Variants in MUC5AC observed in about 807,000 individuals in gnomAD.
MUC5AC encodes mucin-5AC.
MUC5AC carries 158 observed loss-of-function variants against 169.7 expected under a neutral mutation model. The ratio of observed to expected loss-of-function variants is 0.93; its 90% CI spans 0.82 to 1.06. The LOEUF is 1.06. MUC5AC is among the 50% of genes least tolerant of loss of function. MUC5AC has a pLI of 0.00. For synonymous variants in MUC5AC, 1,975 were observed against 1,237.0 expected (o/e 1.60, Z -12.52); for missense variants, 4,359 against 3,089.9 (o/e 1.41, Z -9.74).
rs997985636 is a variant in MUC5AC, at chr11:1,193,804, G to T, written c.14755+145G>T. 5 of 625,324 alleles carry T rather than the reference G, an allele frequency of 8.0e-6. No individual in the cohort carries two copies. In the Admixed American group the frequency reaches 9.7e-5, roughly 12 times the overall value. 38.7% of individuals were successfully genotyped at this position (625,324 alleles called of 1,614,324 possible). ...AGGAAGGACTTCCCAGCATCAAGGC[G>T]GGGCCGCATGGGGCCGAGCCTCCCC... On this transcript the variant is annotated intron_variant, in intron 33 of 48. Transcript: ENST00000621226.
At chr11:1,170,978 C>CCCACTCACCTACTCA (rs1232249122) in intron 15 of MUC5AC, among the ~76,000 whole-genome samples, 7 of 27,394 alleles carry the variant, frequency 2.6e-4, no homozygotes, top group Admixed American at 3.7e-4. Flanking sequence ...CACCCATTCA[C>CCCACTCACCTACTCA]CCCACTCACC....
At chr11:1,200,049 T>C (rs1861384173) in intron 48 of MUC5AC, 80 bp downstream of exon 48, 1 of 648,794 alleles carries the variant, frequency 1.5e-6, no homozygotes, top group South Asian at 1.8e-5. Context: ...AGGTGCCAGA[T>C]AGACGAGGGG....
At position 1,187,769 on chromosome 11, in the gene MUC5AC, C is replaced by A. The variant is rs1554928345; in HGVS notation, c.9624C>A (p.Ser3208=). ...SVSKTSTSHV[S]ISKTTHSQPV... ...CAAAGACCAGCACAAGCCATGTTTC[C>A]ATATCCAAGACAACCCACTCCCAAC... The change falls in exon 31 of 49, where the codon TCC becomes TCA. Residue 3208 remains serine (S), a synonymous_variant. Transcript: ENST00000621226. 7.8e-6 allele frequency: 6 copies of A among 765,032 alleles called. No homozygotes were observed. Among genetic ancestry groups the A allele is most frequent in the Non-Finnish European group, 1.4e-5 (6 of 417,860 alleles). 47.4% of individuals were successfully genotyped at this position (765,032 alleles called of 1,614,324 possible).
chr11:1,195,014 A>G lies in MUC5AC; in HGVS notation c.15193A>G (p.Thr5065Ala). The G allele has an allele frequency of 1.4e-6, 1 of 738,304 alleles. No individual in the cohort carries two copies. Among genetic ancestry groups the G allele is most frequent in the Non-Finnish European group, 2.5e-6 (1 of 404,276 alleles). The allele number at this position is 738,304 out of a possible 1,614,324, so 45.7% of individuals were successfully genotyped here. A position where few individuals can be genotyped will look rare whatever the true frequency, so the allele number is the denominator to read the frequency against. The change falls in exon 36 of 49, where the codon ACT (threonine) becomes GCT (alanine). Residue 5065 changes from threonine to alanine, a missense_variant and splice_region_variant. Thr to Ala is a moderately conservative substitution (Grantham distance 58). Transcript: ENST00000621226. Reference protein sequence around the residue: ...FANNTEGQCGTCTNDRKDECR... With the variant: ...FANNTEGQCGACTNDRKDECR... ...TGACCCCCACCGCGTCTGCCCAGGC[A>G]CTTGCACCAACGACAGGAAGGATGA...
chr11:1,168,429 GC>G, intron 12 of MUC5AC, 53 bp from the exon 13 acceptor site: 1 of 1,558,786 alleles, frequency 6.4e-7, no homozygotes, highest in Non-Finnish European at 8.8e-7. Context: ...CCTCCGCGGG[GC>G]TGAGGTGCCG....
At chr11:1,165,462 G>A (rs544106045) in intron 10 of MUC5AC, 43 bp downstream of exon 10, 1 of 1,598,302 alleles carries the variant, frequency 6.3e-7, no homozygotes, top group Non-Finnish European at 8.5e-7. Flanking sequence ...ATGTGCTATG[G>A]GACAGACCTG....
rs1861069302 is a variant in MUC5AC, at chr11:1,190,721, C to A, written c.12576C>A (p.Ser4192Arg). 1.4e-6 allele frequency: 1 copy of A among 700,808 alleles called. No individual in the cohort carries two copies. The highest frequency in any genetic ancestry group is 1.7e-5 in the African/African-American group (1 of 57,226). 43.4% of individuals were successfully genotyped at this position (700,808 alleles called of 1,614,324 possible). A position where few individuals can be genotyped will look rare whatever the true frequency, so the allele number is the denominator to read the frequency against. ...TTSTISAPTT[S>R]TISSPTSSTT... The stretch of plus-strand genomic sequence containing the variant: ...GCACAATCTCTGCCCCTACAACCAG[C>A]ACAATCTCTTCCCCTACAAGCAGCA... The change falls in exon 31 of 49, where the codon AGC becomes AGA. Residue 4192 changes from serine (S) to arginine (R), a missense_variant. Transcript: ENST00000621226.
chr11:1,178,710 G>GGGCCCAAGGGGGTCATGGT, intron 25 of MUC5AC, 27 bp downstream of exon 25: 1 of 1,160,136 alleles, frequency 8.6e-7, no homozygotes, highest in Non-Finnish European at 1.1e-6. Flanking sequence ...GCGTTTCTCT[G>GGGCCCAAGGGGGTCATGGT]GGCCCAAGGG....
chr11:1,184,804 G>T lies in MUC5AC; in HGVS notation c.6659G>T (p.Cys2220Phe). Residue 2220 changes from cysteine (C) to phenylalanine (F), a missense_variant, in exon 31 of 49, where the codon TGC becomes TTC. Physicochemically the swap from Cys to Phe is radical, Grantham distance 205. Coordinates refer to ENST00000621226, the MANE Select transcript of MUC5AC (RefSeq NM_001304359.2). ...RVLCCETPKG[C>F]PVTSTPVTAP... ...CTCTGCTGCGAGACCCCCAAAGGCT[G>T]CCCCGTGACCTCCACACCTGTGACA... The T allele has an allele frequency of 1.5e-6, 1 of 651,550 alleles. No individual in the cohort carries two copies. Among genetic ancestry groups the T allele is most frequent in the South Asian group, 1.8e-5 (1 of 57,014 alleles). 40.4% of individuals were successfully genotyped at this position (651,550 alleles called of 1,614,324 possible).
At position 1,192,868 on chromosome 11, in the gene MUC5AC, T is replaced by G; in HGVS notation, c.14466T>G (p.Val4822=). ...CSQDCQVVRG[V]DSDCPSTTLP... ...AGGACTGCCAAGTGGTCAGAGGGGT[T>G]GACAGTGACTGTCCGTCCACCACGC... The change falls in exon 32 of 49, where the codon GTT becomes GTG. Residue 4822 remains valine, a synonymous_variant. Transcript: ENST00000621226. 1 of 764,884 alleles carries G rather than the reference T, an allele frequency of 1.3e-6. No homozygotes were observed. Among genetic ancestry groups the G allele is most frequent in the Non-Finnish European group, 2.4e-6 (1 of 417,780 alleles). 47.4% of individuals were successfully genotyped at this position (764,884 alleles called of 1,614,324 possible).
rs547544692 is a variant in MUC5AC at position 1,198,290 on chromosome 11, C to T, written c.16158C>T (p.Asn5386=). The change falls in exon 43 of 49, where the codon AAC becomes AAT. Residue 5386 remains asparagine, a synonymous_variant. Coordinates refer to ENST00000621226, the MANE Select transcript of MUC5AC (RefSeq NM_001304359.2). ...CAGGCTGGACAGTGTGCAGCATCAACGGGACCCTGTACCAGGTAAGAGCCA... is the reference window on the plus strand; with the variant it reads ...CAGGCTGGACAGTGTGCAGCATCAATGGGACCCTGTACCAGGTAAGAGCCA... ...QNCSWTVCSI[N]GTLYQPGAVV... 4.1e-5 allele frequency: 31 copies of T among 754,634 alleles called. No homozygotes were observed. The highest frequency in any genetic ancestry group is 3.4e-4 in the East Asian group (14 of 40,714). 46.7% of individuals were successfully genotyped at this position (754,634 alleles called of 1,614,324 possible). A position where few individuals can be genotyped will look rare whatever the true frequency, so the allele number is the denominator to read the frequency against.
At chr11:1,174,457 C>T in intron 16 of MUC5AC, 39 bp from the exon 17 acceptor site, 1 of 1,284,468 alleles carries the variant, frequency 7.8e-7, no homozygotes, top group Non-Finnish European at 1.1e-6. Context: ...CAGGTGTGGG[C>T]TGGGGTCTCT....
chr11:1,168,101 C>T (rs1284049927), intron 12 of MUC5AC, 114 bp downstream of exon 12: 6 of 873,832 alleles, frequency 6.9e-6, no homozygotes, highest in South Asian at 1.5e-5. Flanking sequence ...AGGCGGGGAC[C>T]CTCTGGCAAC....
At chr11:1,200,315 A>G (rs1290145597) in intron 48 of MUC5AC, 123 bp from the exon 49 acceptor site, 4 of 601,856 alleles carry the variant, frequency 6.6e-6, no homozygotes, top group African/African-American at 5.6e-5. Context: ...GTTGTCAGAC[A>G]CTGGCAGCAT....
rs190893751 is a variant in MUC5AC at position 1,192,976 on chromosome 11, C to T, written c.14574C>T (p.Pro4858=). Residue 4858 remains proline, a synonymous_variant, in exon 32 of 49, where the codon CCC becomes CCT. Coordinates refer to ENST00000621226, the MANE Select transcript of MUC5AC (RefSeq NM_001304359.2). ...TELGCPNAVP[P]RKKGETWATP... is the part of the protein sequence containing the mutation. ...TGGGATGCCCAAATGCGGTTCCCCC[C>T]AGAAAGGTAACCCCCTACTTCTCAC... The T allele has an allele frequency of 1.4e-6, 1 of 712,344 alleles. No homozygotes were observed. Among genetic ancestry groups the T allele is most frequent in the Non-Finnish European group, 2.6e-6 (1 of 386,928 alleles). 44.1% of individuals were successfully genotyped at this position (712,344 alleles called of 1,614,324 possible).
chr11:1,200,976 G>A lies in MUC5AC; in HGVS notation c.*274G>A, dbSNP rs1590157016. Reference sequence around the variant, plus strand: ...GCATCCAGCCTGCTGTTCTGGGGACGTGAGCATCACCTGAGGGTCTCAGGA... The same window carrying A: ...GCATCCAGCCTGCTGTTCTGGGGACATGAGCATCACCTGAGGGTCTCAGGA... On this transcript the variant is annotated 3_prime_UTR_variant, in exon 49 of 49. Coordinates refer to ENST00000621226, the MANE Select transcript of MUC5AC (RefSeq NM_001304359.2). 2.0e-5 allele frequency: 7 copies of A among 348,390 alleles called. No homozygotes were observed. The highest frequency in any genetic ancestry group is 1.0e-4 in the South Asian group (1 of 9,894). The allele number at this position is 348,390 out of a possible 1,614,324, so 21.6% of individuals were successfully genotyped here.
Position 1,196,902 on chromosome 11 carries a change from G to A in MUC5AC, c.15855G>A (p.Pro5285=), listed in dbSNP as rs28503875. The change falls in exon 40 of 49, where the codon CCG becomes CCA. Residue 5285 remains proline, a synonymous_variant. Coordinates refer to ENST00000621226, the MANE Select transcript of MUC5AC (RefSeq NM_001304359.2). ...GGTGTCTGGGGCCCCACGGAGAGCCGGTGAAGGTGAGTGGAAGGCATGGCC... is the reference window on the plus strand; with the variant it reads ...GGTGTCTGGGGCCCCACGGAGAGCCAGTGAAGGTGAGTGGAAGGCATGGCC... The part of the protein sequence containing the change: ...CPRCLGPHGE[P]VKVGHTVGMD... The A allele has an allele frequency of 0.42, 319,779 of 762,216 alleles. 68,749 individuals are homozygous for A. Among genetic ancestry groups the A allele is most frequent in the African/African-American group, 0.56 (33,086 of 59,166 alleles). The allele number at this position is 762,216 out of a possible 1,614,324, so 47.2% of individuals were successfully genotyped here.
intron 8 of MUC5AC, 27 bp from the exon 9 acceptor site, chr11:1,164,380 C>A (rs755277146): frequency 6.2e-7 from 1 of 1,612,004 alleles, no homozygotes; most frequent in Admixed American, 1.7e-5. Context: ...GGCAGGCAGA[C>A]GTGAGCCCTC....
At position 1,190,841 on chromosome 11, in the gene MUC5AC, C is replaced by A; in HGVS notation, c.12696C>A (p.Ser4232Arg). The change falls in exon 31 of 49, where the codon AGC becomes AGA. Residue 4232 changes from serine (S) to arginine (R), a missense_variant. Ser to Arg is a moderately radical substitution (Grantham distance 110). Transcript: ENST00000621226. The stretch of plus-strand genomic sequence containing the variant: ...CTCCAAGCCCTGTTCCCACCACCAG[C>A]ACAACCTCTGCCTCTACAACCAGCA... ...GTTPSPVPTT[S>R]TTSASTTSTT... 1.3e-6 allele frequency: 1 copy of A among 742,138 alleles called. No individual in the cohort carries two copies. The allele number at this position is 742,138 out of a possible 1,614,324, so 46.0% of individuals were successfully genotyped here.
Sources: allele counts gnomAD v4.1 joint callset (sites outside exome capture counted in the v4.1 genomes callset), GRCh38; gene constraint gnomAD v4.1.1; transcripts MANE v1.5; gene names NCBI Gene and HGNC (gene_info 2026-07-23, HGNC 2026-07-21).